The following RNF24 variants were observed in gnomAD, a reference collection of about 807,000 sequenced individuals.
The protein encoded by RNF24 is ring finger protein 24.
A neutral mutation model predicts 20.0 loss-of-function variants in RNF24; 14 were observed. The observed-to-expected ratio is 0.70, with a 90% confidence interval of 0.46 to 1.10. The LOEUF (loss-of-function observed/expected upper bound fraction) is 1.10, where lower values mean the gene tolerates loss of function less well. Among genes scored for constraint, RNF24 ranks in the 50% least tolerant of loss-of-function variants. The pLI is 0.00. For synonymous variants in RNF24, 45 were observed against 61.1 expected, an observed-to-expected ratio of 0.74 and a Z score of 1.23; for missense variants, 124 against 177.6, an observed-to-expected ratio of 0.70 and a Z score of 1.71.
intron 4 of RNF24, among the ~76,000 whole-genome samples, chr20:3,937,059 G>A (rs1008875687): frequency 6.6e-6 from 1 of 152,060 alleles, no homozygotes; most frequent in African/African-American, 2.4e-5. Flanking sequence ...AGATGCTCTC[G>A]ATCTCTTGAC....
intron 1 of RNF24, among the ~76,000 whole-genome samples, chr20:3,992,926 T>C (rs1026653165): frequency 2.6e-5 from 4 of 152,232 alleles, no homozygotes; most frequent in African/African-American, 9.6e-5. Context: ...AAATGGATTG[T>C]TAATAATAAA....
intron 1 of RNF24, among the ~76,000 whole-genome samples, chr20:3,991,084 T>G (rs1980395050): frequency 6.6e-6 from 1 of 152,146 alleles, no homozygotes; most frequent in South Asian, 2.1e-4. Context: ...ATTGAGCCTC[T>G]GACAGGGCTG....
intron 1 of RNF24, among the ~76,000 whole-genome samples, chr20:3,990,660 C>T (rs1980352851): frequency 6.6e-6 from 1 of 152,064 alleles, no homozygotes; most frequent in African/African-American, 2.4e-5. Flanking sequence ...GAGTTAGAGA[C>T]CAGCCTGGGC....
At chr20:3,985,558 T>G (rs982395865) in intron 1 of RNF24, among the ~76,000 whole-genome samples, 7 of 152,242 alleles carry the variant, frequency 4.6e-5, no homozygotes. Context: ...TTCTCTTTGC[T>G]GCTGTTCCAC....
rs2090770130 is a variant in RNF24, at chr20:3,928,779, A to AAAAAAAAAAG, written c.*5283_*5284insCTTTTTTTTT. On this transcript the variant is annotated 3_prime_UTR_variant, in exon 6 of 6. Coordinates refer to ENST00000358395, the MANE Select transcript of RNF24 (RefSeq NM_001134337.3). ...AAAAAAAAAAAAAAAAAAAAAAAAA[A>AAAAAAAAAAG]TTGTTGGGGTAATTTCTGTTGTCAA... 1 of 141,642 alleles carries AAAAAAAAAAG rather than the reference A, an allele frequency of 7.1e-6. No individual in the cohort carries two copies. The highest frequency in any genetic ancestry group is 1.5e-5 in the Non-Finnish European group (1 of 66,442). 8.8% of individuals were successfully genotyped at this position (141,642 alleles called of 1,614,324 possible).
At chr20:3,948,534 A>T (rs993393525) in intron 2 of RNF24, among the ~76,000 whole-genome samples, 1 of 152,184 alleles carries the variant, frequency 6.6e-6, no homozygotes, top group Non-Finnish European at 1.5e-5. Flanking sequence ...ACTTATTTCA[A>T]TAATATTTAT....
At chr20:4,014,670 C>G (rs1268605339) in intron 1 of RNF24, among the ~76,000 whole-genome samples, 1 of 151,906 alleles carries the variant, frequency 6.6e-6, no homozygotes, top group African/African-American at 2.4e-5. Context: ...ATCCCCTCCC[C>G]TTTTCCTCAT....
At chr20:3,980,315 C>T (rs762087075) in intron 1 of RNF24, among the ~76,000 whole-genome samples, 3 of 152,100 alleles carry the variant, frequency 2.0e-5, no homozygotes, top group Non-Finnish European at 4.4e-5. Context: ...TTCACAGACC[C>T]CCACTGGATG....
At chr20:3,974,263 C>A in intron 1 of RNF24, 1 of 1,496,526 alleles carries the variant, frequency 6.7e-7, no homozygotes, top group Non-Finnish European at 9.0e-7. Context: ...CGGCAAAAAC[C>A]AACCAAACAA....
At chr20:3,965,077 A>G (rs2091244234) in intron 1 of RNF24, among the ~76,000 whole-genome samples, 1 of 152,200 alleles carries the variant, frequency 6.6e-6, no homozygotes, top group Non-Finnish European at 1.5e-5. Context: ...AATTCCACAG[A>G]TAAAGGATGC....
rs367756701 is a variant in RNF24, at chr20:3,961,808, C to CA, written c.143+2066dup. Among the ~76,000 whole-genome samples, 8 of 149,056 alleles carry CA rather than the reference C, an allele frequency of 5.4e-5. No homozygotes were observed. In the East Asian group the frequency reaches 5.9e-4, roughly 11 times the overall value. On this transcript the variant is annotated intron_variant, in intron 2 of 5. Transcript: ENST00000358395. ...AAATCAACATTCGTAGAGGAATTAT[C>CA]AAAAAAAACTAGTAAGTCTGAAAAA... is the stretch of plus-strand genomic sequence containing the variant.
At chr20:3,967,430 T>A (rs947321473) in intron 1 of RNF24, among the ~76,000 whole-genome samples, 5 of 152,018 alleles carry the variant, frequency 3.3e-5, no homozygotes, top group Non-Finnish European at 5.9e-5. Flanking sequence ...CCAGTCAGTT[T>A]ATTAAAATCA....
At chr20:4,008,554 ATAT>A (rs1203977096) in intron 1 of RNF24, among the ~76,000 whole-genome samples, 18 of 122,686 alleles carry the variant, frequency 1.5e-4, no homozygotes, top group Non-Finnish European at 2.9e-4. Flanking sequence ...ATATATATAT[ATAT>A]TTTTTTTTGA....
At chr20:3,963,470 G>A (rs1426191464) in intron 2 of RNF24, among the ~76,000 whole-genome samples, 1 of 152,228 alleles carries the variant, frequency 6.6e-6, no homozygotes, top group Non-Finnish European at 1.5e-5. Flanking sequence ...TGGGATTACA[G>A]GCATGAGCCA....
chr20:3,997,921 T>C (rs1047539373), intron 1 of RNF24, among the ~76,000 whole-genome samples: 3 of 152,226 alleles, frequency 2.0e-5, no homozygotes, highest in Non-Finnish European at 4.4e-5. Flanking sequence ...GCAGTCCAAA[T>C]GCCCCACTTT....
chr20:3,931,728 T>C lies in RNF24; in HGVS notation c.*2335A>G, dbSNP rs747358107. 6.6e-6 allele frequency: 1 copy of C among 152,238 alleles called. No individual in the cohort carries two copies. The highest frequency in any genetic ancestry group is 6.5e-5 in the Admixed American group (1 of 15,280). The allele number at this position is 152,238 out of a possible 1,614,324, so 9.4% of individuals were successfully genotyped here. A position where few individuals can be genotyped will look rare whatever the true frequency, so the allele number is the denominator to read the frequency against. On this transcript the variant is annotated 3_prime_UTR_variant, in exon 6 of 6. Transcript: ENST00000358395. Reference sequence around the variant, plus strand: ...ATTTTAAAACCAGTCCACATTCACATGTGCTGAGAAGGTTGTTAGTGGTCC... The same window carrying C: ...ATTTTAAAACCAGTCCACATTCACACGTGCTGAGAAGGTTGTTAGTGGTCC...
chr20:3,988,179 C>T lies in RNF24; in HGVS notation c.-7-24155G>A, dbSNP rs373708503. On this transcript the variant is annotated intron_variant, in intron 1 of 5. Transcript: ENST00000358395. ...CTCTACAAAAAAATTTAAAAATTAG[C>T]CAGGTGTGATGATATGCACCTGTGA... Among the ~76,000 whole-genome samples the T allele has an allele frequency of 2.0e-4, 31 of 152,002 alleles. 3 individuals carry two copies. The highest frequency in any genetic ancestry group is 1.4e-3 in the Admixed American group (21 of 15,260).
In RNF24 at chr20:3,952,029, T is replaced by C. The variant is rs562319435; in HGVS notation, c.144-3750A>G. 9.2e-5 allele frequency among the ~76,000 whole-genome samples: 14 copies of C among 152,326 alleles called. No homozygotes were observed. The East Asian group carries it at 1.9e-3, about 21-fold the overall frequency. ...CTTGGTGAACAGCACTTTCTCTTAATACTGTTGCTTTAAAACAGGTTTTGG... is the reference window on the plus strand; with the variant it reads ...CTTGGTGAACAGCACTTTCTCTTAACACTGTTGCTTTAAAACAGGTTTTGG... On this transcript the variant is annotated intron_variant, in intron 2 of 5. Coordinates refer to ENST00000358395, the MANE Select transcript of RNF24 (RefSeq NM_001134337.3).
At chr20:3,954,032 A>G (rs913025370) in intron 2 of RNF24, among the ~76,000 whole-genome samples, 7 of 152,194 alleles carry the variant, frequency 4.6e-5, no homozygotes, top group Non-Finnish European at 1.0e-4. Flanking sequence ...CTGGGATTAC[A>G]GGAGTGAGCC....
Sources: gnomAD v4.1 joint callset for allele counts (sites outside exome capture counted in the v4.1 genomes callset) on GRCh38, gnomAD v4.1.1 for gene constraint, MANE v1.5 for transcripts, NCBI Gene and HGNC (gene_info 2026-07-23, HGNC 2026-07-21) for gene names.